The following HS6ST3 variants were observed in gnomAD, a reference collection of about 807,000 sequenced individuals.
HS6ST3 encodes the protein heparan-sulfate 6-O-sulfotransferase 3.
A neutral mutation model predicts 36.7 loss-of-function variants in HS6ST3; 12 were observed. The ratio of observed to expected loss-of-function variants is 0.33; its 90% confidence interval spans 0.21 to 0.53. HS6ST3 has a LOEUF of 0.53. Ranked by LOEUF, HS6ST3 falls within the 20% of genes least tolerant of loss-of-function variation. The probability of loss-of-function intolerance (pLI) is 0.95; values close to 1 mark genes in which losing one functional copy is unlikely to be tolerated. For synonymous variants in HS6ST3, 240 were observed against 257.5 expected (o/e 0.93, Z 0.65); for missense variants, 584 against 640.9 (o/e 0.91, Z 0.96).
intron 1 of HS6ST3, among the ~76,000 whole-genome samples, chr13:96,291,564 A>T (rs547577599): frequency 3.9e-4 from 60 of 152,312 alleles, no homozygotes; most frequent in African/African-American, 1.4e-3. Flanking sequence ...TAAGCTTTTG[A>T]TTTTAATAAA....
chr13:96,301,081 G>A (rs964465610), intron 1 of HS6ST3, among the ~76,000 whole-genome samples: 16 of 152,238 alleles, frequency 1.1e-4, no homozygotes, highest in Non-Finnish European at 2.2e-4. Flanking sequence ...GATGTATGCT[G>A]AGTTAGTCCC....
At chr13:96,606,448 T>A (rs903488010) in intron 1 of HS6ST3, among the ~76,000 whole-genome samples, 2 of 152,116 alleles carry the variant, frequency 1.3e-5, no homozygotes, top group African/African-American at 4.8e-5. Context: ...TGGAGGCCAT[T>A]GTCCAAAGTG....
At chr13:96,513,674 C>G (rs2056060023) in intron 1 of HS6ST3, among the ~76,000 whole-genome samples, 1 of 152,040 alleles carries the variant, frequency 6.6e-6, no homozygotes, top group South Asian at 2.1e-4. Flanking sequence ...CAACAGAGAA[C>G]TGCAGTCATG....
intron 1 of HS6ST3, among the ~76,000 whole-genome samples, chr13:96,156,090 GT>G: frequency 6.6e-6 from 1 of 152,232 alleles, no homozygotes; most frequent in Non-Finnish European, 1.5e-5. Context: ...TATCTATTGA[GT>G]TTTACTATGT....
chr13:96,454,728 G>A (rs988023457), intron 1 of HS6ST3, among the ~76,000 whole-genome samples: 2 of 151,924 alleles, frequency 1.3e-5, no homozygotes, highest in Admixed American at 6.6e-5. Flanking sequence ...ATAGACAGTA[G>A]AAGAACCCTC....
chr13:96,117,214 T>A (rs949945893), intron 1 of HS6ST3, among the ~76,000 whole-genome samples: 1 of 152,164 alleles, frequency 6.6e-6, no homozygotes, highest in Non-Finnish European at 1.5e-5. Flanking sequence ...CTTATTTCTG[T>A]AGCATGAAAG....
chr13:96,483,575 A>G (rs2055899875), intron 1 of HS6ST3, among the ~76,000 whole-genome samples: 1 of 152,222 alleles, frequency 6.6e-6, no homozygotes, highest in Non-Finnish European at 1.5e-5. Context: ...AAGAAGAATA[A>G]AGAGTGCTTT....
chr13:96,416,271 A>G (rs1209287272), intron 1 of HS6ST3, among the ~76,000 whole-genome samples: 3 of 152,208 alleles, frequency 2.0e-5, no homozygotes, highest in African/African-American at 7.2e-5. Context: ...TGTTGCCAGT[A>G]TCTTGGGATG....
chr13:96,518,972 T>C, intron 1 of HS6ST3, among the ~76,000 whole-genome samples: 1 of 152,330 alleles, frequency 6.6e-6, no homozygotes, highest in African/African-American at 2.4e-5. Flanking sequence ...AGAAAACATT[T>C]ATTTTCACAT....
chr13:96,705,027 A>G (rs1875383038), intron 1 of HS6ST3, among the ~76,000 whole-genome samples: 2 of 152,192 alleles, frequency 1.3e-5, no homozygotes, highest in South Asian at 2.1e-4. Context: ...GAGTTTCCAT[A>G]TACTCCTGCC....
chr13:96,742,732 GTC>G (rs1007140355), intron 1 of HS6ST3, among the ~76,000 whole-genome samples: 9 of 152,002 alleles, frequency 5.9e-5, no homozygotes, highest in Non-Finnish European at 1.5e-5. Context: ...ATAAAATAGA[GTC>G]TTATTTTTAT....
At chr13:96,439,979 CA>C (rs2055662519) in intron 1 of HS6ST3, among the ~76,000 whole-genome samples, 2 of 152,204 alleles carry the variant, frequency 1.3e-5, no homozygotes, top group Non-Finnish European at 2.9e-5. Context: ...GGTGAATTGG[CA>C]CCATTTCTAA....
chr13:96,761,648 A>G (rs553774588), intron 1 of HS6ST3, among the ~76,000 whole-genome samples: 2 of 152,286 alleles, frequency 1.3e-5, no homozygotes, highest in South Asian at 4.1e-4. Flanking sequence ...GTTTACATCC[A>G]TCTAGTTCAT....
intron 1 of HS6ST3, among the ~76,000 whole-genome samples, chr13:96,329,627 G>A (rs1194875378): frequency 8.4e-6 from 1 of 119,160 alleles, no homozygotes; most frequent in Non-Finnish European, 1.7e-5. Context: ...TGGAATAGGT[G>A]TGGTGTGGTG....
At chr13:96,157,512 G>T (rs903432837) in intron 1 of HS6ST3, among the ~76,000 whole-genome samples, 1 of 152,162 alleles carries the variant, frequency 6.6e-6, no homozygotes, top group African/African-American at 2.4e-5. Flanking sequence ...ATTTGCTCAG[G>T]GACCTGTGAG....
intron 1 of HS6ST3, among the ~76,000 whole-genome samples, chr13:96,562,641 G>T (rs2056266421): frequency 6.6e-6 from 1 of 151,954 alleles, no homozygotes; most frequent in Non-Finnish European, 1.5e-5. Context: ...AGAGCCAAAG[G>T]ACTGACAAAG....
intron 1 of HS6ST3, among the ~76,000 whole-genome samples, chr13:96,154,984 A>G (rs1356769179): frequency 2.6e-5 from 4 of 152,160 alleles, no homozygotes; most frequent in Non-Finnish European, 5.9e-5. Context: ...CAAAGTGTTC[A>G]TCACAATGTT....
At chr13:96,527,611 T>G (rs574488754) in intron 1 of HS6ST3, among the ~76,000 whole-genome samples, 32 of 152,200 alleles carry the variant, frequency 2.1e-4, no homozygotes, top group African/African-American at 7.7e-4. Context: ...ATAAAGCATC[T>G]TGGAGGAGAA....
At chr13:96,652,463 G>T (rs2056610786) in intron 1 of HS6ST3, among the ~76,000 whole-genome samples, 1 of 147,596 alleles carries the variant, frequency 6.8e-6, no homozygotes, top group South Asian at 2.1e-4. Context: ...CCTTCTGTTT[G>T]TCTGCCTCTT....
Sources: allele counts gnomAD v4.1 joint callset (sites outside exome capture counted in the v4.1 genomes callset), GRCh38; gene constraint gnomAD v4.1.1; transcripts MANE v1.5; gene names NCBI Gene and HGNC (gene_info 2026-07-23, HGNC 2026-07-21).